EXOC6: variants seen among roughly 807,000 people sequenced by gnomAD.
EXOC6 encodes exocyst complex component 6.
Under a neutral mutation model 112.5 loss-of-function variants are expected in EXOC6, and 60 were observed. That is an observed-to-expected ratio of 0.53 (90% CI 0.43 to 0.66). The LOEUF is 0.66. Among genes scored for constraint, EXOC6 ranks in the 30% least tolerant of loss-of-function variants. The pLI is 0.00. For synonymous variants in EXOC6, 295 were observed against 308.0 expected (o/e 0.96, Z 0.44); for missense variants, 855 against 957.1 (o/e 0.89, Z 1.41).
Position 92,848,567 on chromosome 10 carries a change from C to T in EXOC6, c.34C>T (p.Pro12Ser), listed in dbSNP as rs1470385976. 3 of 1,450,896 alleles carry T rather than the reference C, an allele frequency of 2.1e-6. No individual in the cohort carries two copies. The highest frequency in any genetic ancestry group is 1.5e-5 in the African/African-American group (1 of 67,130). 89.9% of individuals were successfully genotyped at this position (1,450,896 alleles called of 1,614,324 possible). A position where few individuals can be genotyped will look rare whatever the true frequency, so the allele number is the denominator to read the frequency against. ...AENSESLGTV[P>S]EHERILQEIE... is the part of the protein sequence containing the mutation. ...GAACAGCGAGAGTCTGGGCACCGTC[C>T]CCGAGCACGAGCGGATCTTGCAGGA... is the stretch of plus-strand genomic sequence containing the variant. Residue 12 changes from proline (P) to serine (S), a missense_variant, in exon 1 of 22, where the codon CCC (proline) becomes TCC (serine). By Grantham distance (74) the Pro-to-Ser change is moderately conservative. Transcript: ENST00000260762.
chr10:92,870,384 A>G (rs552570616), intron 1 of EXOC6, among the ~76,000 whole-genome samples: 14 of 152,198 alleles, frequency 9.2e-5, no homozygotes, highest in Non-Finnish European at 1.8e-4. Context: ...GGAGATGGTC[A>G]TAGGATTTTT....
chr10:93,024,803 G>T (rs1844950621), intron 20 of EXOC6, among the ~76,000 whole-genome samples: 1 of 151,980 alleles, frequency 6.6e-6, no homozygotes, highest in African/African-American at 2.4e-5. Flanking sequence ...CTTATTTTAG[G>T]GTTTATTACA....
At chr10:93,052,876 G>A (rs1192919063) in intron 20 of EXOC6, among the ~76,000 whole-genome samples, 1 of 152,050 alleles carries the variant, frequency 6.6e-6, no homozygotes, top group South Asian at 2.1e-4. Context: ...TGAACTTCAG[G>A]TGTATGTGTT....
chr10:92,989,296 A>G (rs567388293), intron 18 of EXOC6, among the ~76,000 whole-genome samples: 4 of 152,334 alleles, frequency 2.6e-5, no homozygotes, highest in African/African-American at 4.8e-5. Context: ...TAAAAAATCA[A>G]TTTCCAAATT....
intron 4 of EXOC6, among the ~76,000 whole-genome samples, chr10:92,895,532 C>A (rs1849702294): frequency 6.6e-6 from 1 of 152,068 alleles, no homozygotes; most frequent in African/African-American, 2.4e-5. Flanking sequence ...ATTTTGGAAA[C>A]GCTGTTTCTG....
intron 1 of EXOC6, among the ~76,000 whole-genome samples, chr10:92,857,655 T>G (rs1430420537): frequency 6.6e-6 from 1 of 152,218 alleles, no homozygotes; most frequent in Non-Finnish European, 1.5e-5. Context: ...TTTTATATGT[T>G]GCATGCCACC....
intron 1 of EXOC6, among the ~76,000 whole-genome samples, chr10:92,865,648 T>C (rs1007456398): frequency 6.6e-6 from 1 of 151,790 alleles, no homozygotes; most frequent in Non-Finnish European, 1.5e-5. Context: ...AGTTTCACCA[T>C]GTTGGTCAGG....
In EXOC6 at chr10:92,899,581, T is replaced by C; in HGVS notation, c.413-18T>C. 6.4e-7 allele frequency: 1 copy of C among 1,550,876 alleles called. No homozygotes were observed. Among genetic ancestry groups the C allele is most frequent in the Non-Finnish European group, 8.8e-7 (1 of 1,140,622 alleles). On this transcript the variant is annotated intron_variant, in intron 4 of 21. Coordinates refer to ENST00000260762, the MANE Select transcript of EXOC6 (RefSeq NM_019053.6). ...TCTTTTCATTTTGAAAGCTAAAATG[T>C]TATATTTTTTAATGCAGTGCTAGAA... is the stretch of plus-strand genomic sequence containing the variant.
At chr10:93,057,133 C>A in intron 21 of EXOC6, 97 bp downstream of exon 21, 1 of 631,404 alleles carries the variant, frequency 1.6e-6, no homozygotes, top group South Asian at 2.6e-5. Flanking sequence ...AAAGAAAAGT[C>A]TAGATGGAGC....
chr10:92,926,246 ATG>A (rs1453337939), intron 8 of EXOC6, among the ~76,000 whole-genome samples: 1 of 152,056 alleles, frequency 6.6e-6, no homozygotes, highest in Non-Finnish European at 1.5e-5. Flanking sequence ...AGTACTGATT[ATG>A]ATAATTTCAC....
At chr10:92,848,428 C>T (rs1434220595), upstream of EXOC6, 12 of 911,732 alleles carry the variant, frequency 1.3e-5, no homozygotes, top group African/African-American at 3.6e-5. Context: ...GCCGCCGGCC[C>T]GAGCGCCCCG....
At chr10:93,004,811 T>A (rs1843903915) in intron 19 of EXOC6, among the ~76,000 whole-genome samples, 1 of 152,220 alleles carries the variant, frequency 6.6e-6, no homozygotes, top group South Asian at 2.1e-4. Context: ...CTTCCAGTCC[T>A]GGCTTTGCCT....
chr10:92,887,216 T>G (rs546786762), intron 1 of EXOC6, among the ~76,000 whole-genome samples: 1 of 152,278 alleles, frequency 6.6e-6, no homozygotes, highest in South Asian at 2.1e-4. Flanking sequence ...TTTGTTTTTT[T>G]CCTCATTCCA....
At chr10:92,916,105 G>A in intron 7 of EXOC6, 192 bp downstream of exon 7, 2 of 425,616 alleles carry the variant, frequency 4.7e-6, no homozygotes, top group Non-Finnish European at 8.4e-6. Context: ...AGGGAGGGCT[G>A]TCATGGACGA....
chr10:92,921,187 T>TG (rs1358448584), intron 8 of EXOC6, among the ~76,000 whole-genome samples: 3 of 152,110 alleles, frequency 2.0e-5, no homozygotes, highest in African/African-American at 7.2e-5. Flanking sequence ...CCATTAGTAC[T>TG]GTCTTGTGCA....
chr10:93,008,828 A>T (rs762569856), intron 19 of EXOC6, among the ~76,000 whole-genome samples: 36 of 152,338 alleles, frequency 2.4e-4, no homozygotes, highest in South Asian at 4.1e-4. Context: ...AACTATTAGG[A>T]GTATTTTCAC....
intron 1 of EXOC6, among the ~76,000 whole-genome samples, chr10:92,857,415 A>G (rs1303256148): frequency 6.6e-6 from 1 of 151,900 alleles, no homozygotes; most frequent in Non-Finnish European, 1.5e-5. Context: ...TATAATTGTT[A>G]CTTTTTATAA....
rs1418347108 is a variant in EXOC6, at chr10:93,014,217, C to T, written c.2119C>T (p.Pro707Ser). ...CELFASSEPV[P>S]GFQGDTLQLA... ...AGTGTTTGCCAGCTCTGAGCCTGTG[C>T]CAGGATTCCAGGGGGATACCCTGCA... The change falls in exon 20 of 22, where the codon CCA (proline) becomes TCA (serine). Residue 707 changes from proline to serine, a missense_variant. Pro to Ser is a moderately conservative substitution (Grantham distance 74, BLOSUM62 -1). Coordinates refer to ENST00000260762, the MANE Select transcript of EXOC6 (RefSeq NM_019053.6). 6.2e-7 allele frequency: 1 copy of T among 1,613,078 alleles called. No individual in the cohort carries two copies. The highest frequency in any genetic ancestry group is 8.5e-7 in the Non-Finnish European group (1 of 1,179,570).
chr10:92,879,090 C>G (rs578172320), intron 1 of EXOC6, among the ~76,000 whole-genome samples: 3 of 152,220 alleles, frequency 2.0e-5, no homozygotes, highest in African/African-American at 7.2e-5. Context: ...GTTGTCTTTT[C>G]CAGGACTGCC....
Sources: gnomAD v4.1 joint callset for allele counts (sites outside exome capture counted in the v4.1 genomes callset) on GRCh38, gnomAD v4.1.1 for gene constraint, MANE v1.5 for transcripts, NCBI Gene and HGNC (gene_info 2026-07-23, HGNC 2026-07-21) for gene names.